The following TENM2 variants were observed in gnomAD, a reference collection of about 807,000 sequenced individuals.
TENM2 encodes the protein teneurin transmembrane protein 2, also known as teneurin-2.
Under a neutral mutation model 245.2 loss-of-function variants are expected in TENM2, and 52 were observed. The ratio of observed to expected loss-of-function variants is 0.21; its 90% CI spans 0.17 to 0.27. TENM2 has a LOEUF of 0.27. TENM2 is among the 10% of genes least tolerant of loss of function. TENM2 has a pLI of 1.00. For missense variants in TENM2, 3,046 were observed against 3,666.8 expected, an observed-to-expected ratio of 0.83 and a Z score of 4.37; for synonymous variants, 1,363 against 1,438.9, an observed-to-expected ratio of 0.95 and a Z score of 1.19.
intron 9 of TENM2, among the ~76,000 whole-genome samples, chr5:168,100,095 G>A (rs1793686323): frequency 6.6e-6 from 1 of 152,190 alleles, no homozygotes; most frequent in Admixed American, 6.5e-5. Flanking sequence ...AGACTTTGCT[G>A]AAGTTGCTTA....
At chr5:167,240,333 A>G in the TENM2 span, among the ~76,000 whole-genome samples, 1 of 151,318 alleles carries the variant, frequency 6.6e-6, no homozygotes, top group African/African-American at 2.4e-5. Flanking sequence ...TAGAGATAAT[A>G]TTTGCCCACC....
chr5:167,629,719 T>C (rs548271879), intron 2 of TENM2, among the ~76,000 whole-genome samples: 60 of 152,204 alleles, frequency 3.9e-4, no homozygotes, highest in Admixed American at 2.9e-3. Context: ...CTCAGTGTTA[T>C]AGAGAGAGTC....
At position 168,246,949 on chromosome 5, in the gene TENM2, G is replaced by A. The variant is rs541069540; in HGVS notation, c.6010G>A (p.Gly2004Ser). Residue 2004 changes from glycine (G) to serine (S), a missense_variant, in exon 27 of 29, where the codon GGC (glycine) becomes AGC (serine). Physicochemically the swap from Gly to Ser is moderately conservative, Grantham distance 56 (BLOSUM62 0). Transcript: ENST00000518659. ...GGTCATCTTTGACTACAGTGATGAC[G>A]GCCGCATCCTGAAGACCTCCTTTTT... is the stretch of plus-strand genomic sequence containing the variant. The A allele has an allele frequency of 1.2e-5, 20 of 1,613,962 alleles. No homozygotes were observed. The African/African-American group carries it at 1.5e-4, about 12-fold the overall frequency.
chr5:167,932,319 G>T (rs1212301538), intron 3 of TENM2, among the ~76,000 whole-genome samples: 1 of 152,146 alleles, frequency 6.6e-6, no homozygotes, highest in Non-Finnish European at 1.5e-5. Context: ...AAGTGAATGT[G>T]CTGATTTACA....
At chr5:167,373,150 T>A (rs1344940142) in intron 1 of TENM2, among the ~76,000 whole-genome samples, 2 of 152,200 alleles carry the variant, frequency 1.3e-5, no homozygotes, top group Non-Finnish European at 2.9e-5. Flanking sequence ...ATGTATAGAA[T>A]TGGGCTTGAT....
intron 2 of TENM2, among the ~76,000 whole-genome samples, chr5:167,410,341 C>T (rs538237074): frequency 2.4e-4 from 36 of 152,122 alleles, no homozygotes; most frequent in African/African-American, 8.4e-4. Flanking sequence ...AAATATGGTG[C>T]TCAGAATCAT....
intron 2 of TENM2, among the ~76,000 whole-genome samples, chr5:167,580,968 A>G (rs915803697): frequency 6.6e-6 from 1 of 152,196 alleles, no homozygotes; most frequent in Non-Finnish European, 1.5e-5. Flanking sequence ...CAGCCTGGGA[A>G]ACAGAGCGAA....
At chr5:168,049,627 A>G (rs1413410364) in intron 6 of TENM2, among the ~76,000 whole-genome samples, 1 of 152,194 alleles carries the variant, frequency 6.6e-6, no homozygotes, top group Admixed American at 6.5e-5. Context: ...GTACAAGAGT[A>G]TGCGTCTCTA....
At chr5:167,606,885 TTAAC>T (rs1777092531) in intron 2 of TENM2, among the ~76,000 whole-genome samples, 1 of 152,218 alleles carries the variant, frequency 6.6e-6, no homozygotes, top group South Asian at 2.1e-4. Context: ...TTCACCTTAA[TTAAC>T]CCACTTTCTT....
At chr5:167,721,965 G>C (rs995641050) in intron 2 of TENM2, among the ~76,000 whole-genome samples, 1 of 152,146 alleles carries the variant, frequency 6.6e-6, no homozygotes, top group Non-Finnish European at 1.5e-5. Context: ...TAACCCAGAC[G>C]TGAAATCCTC....
chr5:167,635,631 G>GTTTTTTTTTTTTTTTTTT (rs1561623173), intron 2 of TENM2, among the ~76,000 whole-genome samples: 2 of 90,988 alleles, frequency 2.2e-5, no homozygotes, highest in African/African-American at 1.2e-4. Flanking sequence ...GATCAGTACA[G>GTTTTTTTTTTTTTTTTTT]TCTTTTTTTT....
At chr5:168,102,151 G>A (rs1479630205) in intron 9 of TENM2, among the ~76,000 whole-genome samples, 1 of 152,040 alleles carries the variant, frequency 6.6e-6, no homozygotes, top group East Asian at 1.9e-4. Context: ...TCGGCTCACC[G>A]CAACCTCCGC....
rs1767474179 is a variant in TENM2 at position 167,820,911 on chromosome 5, G to A, written c.503-55075G>A. ...TTCTTTTGCAGGAAGGAAACAATGT[G>A]TCTTCACGTGGGATTTTCACAGGAG... On this transcript the variant is annotated intron_variant, in intron 2 of 28. Transcript: ENST00000518659. Among the ~76,000 whole-genome samples the A allele has an allele frequency of 4.6e-5, 7 of 152,200 alleles. 2 individuals carry two copies. In the South Asian group the frequency reaches 1.4e-3, roughly 31 times the overall value.
chr5:167,725,035 A>G (rs1759896191), intron 2 of TENM2, among the ~76,000 whole-genome samples: 1 of 152,192 alleles, frequency 6.6e-6, no homozygotes, highest in African/African-American at 2.4e-5. Context: ...GATTATATTT[A>G]TTCTCCATTA....
the TENM2 span, among the ~76,000 whole-genome samples, chr5:167,237,752 C>T: frequency 6.6e-5 from 10 of 152,196 alleles, no homozygotes; most frequent in South Asian, 6.2e-4. Context: ...CGATGGCTCA[C>T]GCCTAATCCC....
intron 2 of TENM2, among the ~76,000 whole-genome samples, chr5:167,670,161 T>A (rs923550432): frequency 5.3e-5 from 8 of 152,268 alleles, no homozygotes; most frequent in Admixed American, 4.6e-4. Context: ...TCTGAATAAA[T>A]GCTCAGTGGA....
intron 1 of TENM2, among the ~76,000 whole-genome samples, chr5:167,348,265 C>T (rs758059864): frequency 1.3e-5 from 2 of 152,132 alleles, no homozygotes; most frequent in Admixed American, 6.6e-5. Flanking sequence ...CCCTAGGTAC[C>T]GTTCCTAAGG....
the TENM2 span, among the ~76,000 whole-genome samples, chr5:167,113,194 G>C: frequency 3.9e-5 from 6 of 152,246 alleles, no homozygotes; most frequent in South Asian, 1.2e-3. Context: ...AATTACCAAA[G>C]AGGTGAGTTT....
intron 1 of TENM2, among the ~76,000 whole-genome samples, chr5:167,309,154 C>T (rs565614562): frequency 1.3e-5 from 2 of 152,200 alleles, no homozygotes; most frequent in African/African-American, 4.8e-5. Flanking sequence ...AGGAAGTCTC[C>T]TATTTTGTAT....
Sources: gnomAD v4.1 joint callset for allele counts (sites outside exome capture counted in the v4.1 genomes callset) on GRCh38, gnomAD v4.1.1 for gene constraint, MANE v1.5 for transcripts, NCBI Gene and HGNC (gene_info 2026-07-23, HGNC 2026-07-21) for gene names.